The following CSNK1G1 variants were observed in gnomAD, a reference collection of about 807,000 sequenced individuals.
CSNK1G1 encodes the protein casein kinase 1 gamma 1.
In CSNK1G1, 22 loss-of-function variants were observed where a neutral mutation model predicts 59.6. That is an observed-to-expected ratio of 0.37 (90% CI 0.26 to 0.53). The LOEUF is 0.53. Ranked by LOEUF, CSNK1G1 falls within the 20% of genes least tolerant of loss-of-function variation. The pLI is 0.89. For missense variants in CSNK1G1, 384 were observed against 519.5 expected, an observed-to-expected ratio of 0.74 and a Z score of 2.54; for synonymous variants, 179 against 177.1, an observed-to-expected ratio of 1.01 and a Z score of -0.08.
chr15:64,349,753 C>G (rs1363224213), intron 1 of CSNK1G1, among the ~76,000 whole-genome samples: 1 of 151,856 alleles, frequency 6.6e-6, no homozygotes, highest in Non-Finnish European at 1.5e-5. Context: ...AGTTTAGTAA[C>G]CCAAAAGCCT....
chr15:64,209,072 T>C (rs1463554990), intron 6 of CSNK1G1, among the ~76,000 whole-genome samples: 2 of 151,994 alleles, frequency 1.3e-5, no homozygotes, highest in African/African-American at 2.4e-5. Flanking sequence ...TTTTTTATAG[T>C]TACTGGGTTT....
intron 2 of CSNK1G1, among the ~76,000 whole-genome samples, chr15:64,267,029 G>C (rs1314690015): frequency 6.7e-6 from 1 of 149,546 alleles, no homozygotes; most frequent in African/African-American, 2.5e-5. Context: ...GCCGAGGTGG[G>C]TGGATCACTT....
intron 2 of CSNK1G1, among the ~76,000 whole-genome samples, chr15:64,267,287 A>G (rs1047274721): frequency 1.3e-5 from 2 of 151,590 alleles, no homozygotes; most frequent in African/African-American, 4.8e-5. Context: ...AAAAGAAAAG[A>G]AAAAGAAAAA....
chr15:64,324,987 C>T (rs1205888080), intron 1 of CSNK1G1, among the ~76,000 whole-genome samples: 2 of 152,080 alleles, frequency 1.3e-5, no homozygotes, highest in Admixed American at 1.3e-4. Flanking sequence ...GAAATTATTA[C>T]CATACAGTCT....
At chr15:64,233,822 A>G (rs2140295323) in intron 4 of CSNK1G1, among the ~76,000 whole-genome samples, 1 of 152,360 alleles carries the variant, frequency 6.6e-6, no homozygotes, top group South Asian at 2.1e-4. Context: ...AATTATTAGT[A>G]CTGAGTATGT....
At chr15:64,239,271 A>G (rs115136830) in intron 4 of CSNK1G1, among the ~76,000 whole-genome samples, 7 of 152,250 alleles carry the variant, frequency 4.6e-5, no homozygotes, top group South Asian at 2.1e-4. Context: ...CCAAAGAAGC[A>G]TAACTCTTTA....
At chr15:64,301,866 GAC>G (rs1895359421) in intron 1 of CSNK1G1, among the ~76,000 whole-genome samples, 1 of 151,774 alleles carries the variant, frequency 6.6e-6, no homozygotes, top group South Asian at 2.1e-4. Context: ...CCACCTGAGT[GAC>G]AGAGTGAGAC....
At chr15:64,270,021 G>A (rs1893200156) in intron 2 of CSNK1G1, among the ~76,000 whole-genome samples, 1 of 152,014 alleles carries the variant, frequency 6.6e-6, no homozygotes, top group African/African-American at 2.4e-5. Flanking sequence ...TGGCCAGGCT[G>A]GTCTTGAACT....
intron 2 of CSNK1G1, among the ~76,000 whole-genome samples, chr15:64,263,821 C>CTAA (rs1892833408): frequency 2.0e-5 from 1 of 48,972 alleles, no homozygotes; most frequent in Non-Finnish European, 3.8e-5. Flanking sequence ...TTTTTGTTTA[C>CTAA]CAAAAAAAAA....
At chr15:64,266,309 C>T (rs1481608486) in intron 2 of CSNK1G1, among the ~76,000 whole-genome samples, 1 of 152,044 alleles carries the variant, frequency 6.6e-6, no homozygotes, top group Non-Finnish European at 1.5e-5. Context: ...ATCCACTGAC[C>T]TCGTGATCCA....
chr15:64,279,471 T>G (rs1894001436), intron 2 of CSNK1G1, among the ~76,000 whole-genome samples: 1 of 152,256 alleles, frequency 6.6e-6, no homozygotes, highest in Non-Finnish European at 1.5e-5. Context: ...TCATACTTTT[T>G]CATTACTAGA....
intron 1 of CSNK1G1, among the ~76,000 whole-genome samples, chr15:64,327,152 C>T (rs181565747): frequency 0.043 from 6,519 of 152,258 alleles, 156 homozygotes; most frequent in South Asian, 0.079. Flanking sequence ...CCGGGAAGCT[C>T]GAACTGGGTG....
At chr15:64,215,316 C>T (rs1596106055) in intron 5 of CSNK1G1, among the ~76,000 whole-genome samples, 1 of 148,704 alleles carries the variant, frequency 6.7e-6, no homozygotes, top group Non-Finnish European at 1.5e-5. Flanking sequence ...GGGTTCACGC[C>T]ATTCTCCTGC....
chr15:64,289,887 T>C lies in CSNK1G1; in HGVS notation c.181+10432A>G, dbSNP rs553818238. On this transcript the variant is annotated intron_variant, in intron 2 of 11. Coordinates refer to ENST00000303052, the MANE Select transcript of CSNK1G1 (RefSeq NM_022048.5). Reference sequence around the variant, plus strand: ...ATGACATACAAATGACCAAGAAGCATATGAAAAAACGCTCAAAAGAACTAA... The same window carrying C: ...ATGACATACAAATGACCAAGAAGCACATGAAAAAACGCTCAAAAGAACTAA... Among the ~76,000 whole-genome samples the C allele has an allele frequency of 4.6e-5, 7 of 152,054 alleles. No homozygotes were observed. The South Asian group carries it at 1.0e-3, about 23-fold the overall frequency.
At chr15:64,236,094 G>C (rs1365968584) in intron 4 of CSNK1G1, among the ~76,000 whole-genome samples, 1 of 138,000 alleles carries the variant, frequency 7.2e-6, no homozygotes, top group African/African-American at 2.7e-5. Context: ...AGTGAGCTGA[G>C]ATTGTGCCAC....
chr15:64,292,569 G>A (rs961584129), intron 2 of CSNK1G1, among the ~76,000 whole-genome samples: 8 of 152,056 alleles, frequency 5.3e-5, no homozygotes, highest in African/African-American at 9.7e-5. Context: ...AAAATCATAC[G>A]CCTGTCTCTC....
In CSNK1G1 at chr15:64,200,237, CAA is replaced by C. The variant is rs1185431279; in HGVS notation, c.1107+2843_1107+2844del. On this transcript the variant is annotated intron_variant, in intron 10 of 11. Transcript: ENST00000303052. The surrounding 1 kb of genome is among the most constrained non-coding windows in gnomAD (Gnocchi z 4.3). ...TGGTGATAAGAGCTAAACTCTGTCT[CAA>C]AAAAAAAAAGAGACACAAGGATATA... Among the ~76,000 whole-genome samples, 1 of 139,978 alleles carries C rather than the reference CAA, an allele frequency of 7.1e-6. No homozygotes were observed. The highest frequency in any genetic ancestry group is 2.3e-4 in the South Asian group (1 of 4,432). The allele number at this position is 139,978 out of a possible 152,430, so 91.8% of individuals were successfully genotyped here.
At chr15:64,275,037 C>T (rs1238609712) in intron 2 of CSNK1G1, among the ~76,000 whole-genome samples, 1 of 152,156 alleles carries the variant, frequency 6.6e-6, no homozygotes, top group Admixed American at 6.6e-5. Flanking sequence ...CACCTCCACC[C>T]AAAAAGCATC....
intron 6 of CSNK1G1, among the ~76,000 whole-genome samples, chr15:64,209,241 T>C (rs1026071953): frequency 6.6e-6 from 1 of 152,206 alleles, no homozygotes; most frequent in African/African-American, 2.4e-5. Context: ...TAGGGCTTTA[T>C]CTGAATAAAC....
Sources: gnomAD v4.1 joint callset for allele counts (sites outside exome capture counted in the v4.1 genomes callset) on GRCh38, gnomAD v4.1.1 for gene constraint, Gnocchi (gnomAD v3.1) non-coding constraint, MANE v1.5 for transcripts, NCBI Gene and HGNC (gene_info 2026-07-23, HGNC 2026-07-21) for gene names.